ZNF395: variants seen among roughly 807,000 people sequenced by gnomAD.
The protein encoded by ZNF395 is HD gene regulatory region-binding protein 2.
ZNF395 carries 20 observed loss-of-function variants against 57.7 expected under a neutral mutation model. The ratio of observed to expected loss-of-function variants is 0.35; its 90% CI spans 0.24 to 0.50. The LOEUF is 0.50. Among genes scored for constraint, ZNF395 ranks in the 20% least tolerant of loss-of-function variants. The pLI, the probability that ZNF395 is intolerant of heterozygous loss-of-function variation, is 0.97. For synonymous variants in ZNF395, 295 were observed against 275.9 expected (o/e 1.07, Z -0.69); for missense variants, 606 against 671.2 (o/e 0.90, Z 1.07).
intron 1 of ZNF395, among the ~76,000 whole-genome samples, chr8:28,367,549 T>C (rs1415238322): frequency 6.6e-6 from 1 of 152,248 alleles, no homozygotes; most frequent in Non-Finnish European, 1.5e-5. Flanking sequence ...TTTGCGCTGC[T>C]GGCAGGAAAG....
At chr8:28,350,218 A>C (rs925949658) in intron 7 of ZNF395, 62 bp from the exon 8 acceptor site, 1 of 1,383,448 alleles carries the variant, frequency 7.2e-7, no homozygotes, top group East Asian at 2.4e-5. Context: ...GTCTGCCCAC[A>C]ATCCCCACAG....
chr8:28,365,151 A>G (rs144886333), intron 1 of ZNF395, among the ~76,000 whole-genome samples: 70 of 152,324 alleles, frequency 4.6e-4, no homozygotes, highest in African/African-American at 1.6e-3. Context: ...CGCCTGTGTT[A>G]ATCAGCACAC....
At chr8:28,351,355 CCTTTT>C (rs2129940284) in intron 7 of ZNF395, 135 bp downstream of exon 7, 1 of 887,520 alleles carries the variant, frequency 1.1e-6, no homozygotes, top group East Asian at 2.6e-5. Flanking sequence ...AATTCGGTTT[CCTTTT>C]GTTTCCTTGT....
chr8:28,356,895 C>G lies in ZNF395; in HGVS notation c.474-116G>C. The G allele has an allele frequency of 1.3e-6, 1 of 778,002 alleles. No individual in the cohort carries two copies. The highest frequency in any genetic ancestry group is 1.8e-5 in the South Asian group (1 of 57,142). 48.2% of individuals were successfully genotyped at this position (778,002 alleles called of 1,614,324 possible). ...CACACAATCATCTTACACTTCTGGA[C>G]TGTCCCCTCCAAGTGCCCCCAACTC... is the stretch of plus-strand genomic sequence containing the variant. On this transcript the variant is annotated intron_variant, in intron 3 of 9. Coordinates refer to ENST00000344423, the MANE Select transcript of ZNF395 (RefSeq NM_018660.3). This position sits in a 1 kb window ranked among gnomAD's most constrained non-coding sequence, Gnocchi z 4.0.
intron 1 of ZNF395, among the ~76,000 whole-genome samples, chr8:28,371,039 A>C (rs1801969953): frequency 6.6e-6 from 1 of 152,110 alleles, no homozygotes; most frequent in Non-Finnish European, 1.5e-5. Flanking sequence ...CCCACAAATA[A>C]CCCATGAGAT....
chr8:28,372,289 A>G (rs1013496606), intron 1 of ZNF395, among the ~76,000 whole-genome samples: 1 of 152,212 alleles, frequency 6.6e-6, no homozygotes, highest in African/African-American at 2.4e-5. Flanking sequence ...GAGAGAGGAA[A>G]CAGTGAGAAA....
At position 28,380,016 on chromosome 8, in the gene ZNF395, TG is replaced by T. The variant is rs1802090381; in HGVS notation, c.-59+6376del. ...AACTTTTGGCAAAAACATTTTTCCC[TG>T]TTATTTTAAAGCTATTCCTAAACAT... On this transcript the variant is annotated intron_variant, in intron 1 of 9. Transcript: ENST00000344423. Among the ~76,000 whole-genome samples the T allele has an allele frequency of 2.0e-5, 3 of 152,344 alleles. No homozygotes were observed. In the South Asian group the frequency reaches 6.2e-4, roughly 32 times the overall value.
Position 28,351,728 on chromosome 8 carries a change from C to G in ZNF395, c.1000G>C (p.Ala334Pro), listed in dbSNP as rs755926571. 9.0e-5 allele frequency: 145 copies of G among 1,606,842 alleles called. No homozygotes were observed. The highest frequency in any genetic ancestry group is 1.2e-4 in the Non-Finnish European group (143 of 1,179,670). The change falls in exon 7 of 10, where the codon GCT becomes CCT. Residue 334 changes from alanine to proline, a missense_variant. Physicochemically the swap from Ala to Pro is conservative, Grantham distance 27 (BLOSUM62 -1). Transcript: ENST00000344423. ...CCTGCGGCAGCAGCAGCAGCAGCAG[C>G]AGCAGATTCCTCCTTCAGCTGCACC... ...TEVQLKEESA[A>P]AAAAAAAGTP...
Position 28,353,164 on chromosome 8 carries a change from A to G in ZNF395, c.819+9T>C. On this transcript the variant is annotated intron_variant, in intron 5 of 9. Coordinates refer to ENST00000344423, the MANE Select transcript of ZNF395 (RefSeq NM_018660.3). ...AGCCTGGGCTCCCACTCACACCACAATCACGTACCTTTCTTTTTCGTGGAG... is the reference window on the plus strand; with the variant it reads ...AGCCTGGGCTCCCACTCACACCACAGTCACGTACCTTTCTTTTTCGTGGAG... 1 of 1,613,378 alleles carries G rather than the reference A, an allele frequency of 6.2e-7. No individual in the cohort carries two copies. The highest frequency in any genetic ancestry group is 8.5e-7 in the Non-Finnish European group (1 of 1,179,856).
intron 8 of ZNF395, 53 bp from the exon 9 acceptor site, chr8:28,349,281 G>C (rs1801648866): frequency 7.0e-7 from 1 of 1,430,154 alleles, no homozygotes; most frequent in African/African-American, 1.4e-5. Context: ...AAAGGTGAGG[G>C]AGCTATCCTA....
rs188015648 is a variant in ZNF395, at chr8:28,354,733, T to C, written c.584-1325A>G. ...GAGATTACTACATGTACATGTGTGC[T>C]TAAAAAAGGGTACACCTTCAGGGCA... On this transcript the variant is annotated intron_variant, in intron 4 of 9. Coordinates refer to ENST00000344423, the MANE Select transcript of ZNF395 (RefSeq NM_018660.3). Among the ~76,000 whole-genome samples, 9 of 152,176 alleles carry C rather than the reference T, an allele frequency of 5.9e-5. No homozygotes were observed. The East Asian group carries it at 1.5e-3, about 26-fold the overall frequency.
At chr8:28,364,653 C>CAAAA (rs1221074238) in intron 1 of ZNF395, among the ~76,000 whole-genome samples, 6 of 44,036 alleles carry the variant, frequency 1.4e-4, no homozygotes, top group African/African-American at 1.6e-4. Flanking sequence ...GACTCCGTCT[C>CAAAA]AAAAAAAAAA....
At chr8:28,373,978 C>T (rs1802007942) in intron 1 of ZNF395, among the ~76,000 whole-genome samples, 1 of 152,136 alleles carries the variant, frequency 6.6e-6, no homozygotes. Flanking sequence ...TTTCTCAGTA[C>T]CTACCCCAGA....
At chr8:28,368,059 C>G (rs945995959) in intron 1 of ZNF395, among the ~76,000 whole-genome samples, 8 of 152,088 alleles carry the variant, frequency 5.3e-5, no homozygotes, top group African/African-American at 1.9e-4. Flanking sequence ...TGTGGTGGGG[C>G]AGGGGCAGCG....
At chr8:28,351,330 A>G in intron 7 of ZNF395, 165 bp downstream of exon 7, 1 of 693,012 alleles carries the variant, frequency 1.4e-6, no homozygotes, top group South Asian at 2.6e-5. Flanking sequence ...GAATTCCCAC[A>G]TTTATTGAGC....
intron 9 of ZNF395, 30 bp downstream of exon 9, chr8:28,349,094 AG>A (rs768262713): frequency 2.6e-5 from 40 of 1,553,942 alleles, no homozygotes; most frequent in Non-Finnish European, 3.1e-5. Flanking sequence ...CACAGAAACC[AG>A]AAGGCAGGGG....
rs1446453864 is a variant in ZNF395, at chr8:28,350,153, G to A, written c.1237C>T (p.Leu413=). The A allele has an allele frequency of 6.2e-7, 1 of 1,604,080 alleles. No homozygotes were observed. The highest frequency in any genetic ancestry group is 8.5e-7 in the Non-Finnish European group (1 of 1,176,990). Residue 413 remains leucine (L), a synonymous_variant, in exon 8 of 10, where the codon CTG becomes TTG. Coordinates refer to ENST00000344423, the MANE Select transcript of ZNF395 (RefSeq NM_018660.3). Reference sequence around the variant, plus strand: ...GAGACTGGGATCTGGAAGGATGGCAGAGCCTGCGGAAGACGAGGGTGTCAG... The same window carrying A: ...GAGACTGGGATCTGGAAGGATGGCAAAGCCTGCGGAAGACGAGGGTGTCAG... ...HIQADHAYQA[L]PSFQIPVSPH...
At chr8:28,384,051 A>G (rs184481974) in intron 1 of ZNF395, among the ~76,000 whole-genome samples, 2 of 152,210 alleles carry the variant, frequency 1.3e-5, no homozygotes, top group Admixed American at 6.5e-5. Context: ...ATGTTTCTCA[A>G]ACCCACCTTT....
At chr8:28,384,688 C>G (rs548798897) in intron 1 of ZNF395, among the ~76,000 whole-genome samples, 1 of 152,322 alleles carries the variant, frequency 6.6e-6, no homozygotes, top group African/African-American at 2.4e-5. Flanking sequence ...TTGGGCCCTA[C>G]GGGTGAGTTA....
Sources: gnomAD v4.1 joint callset for allele counts (sites outside exome capture counted in the v4.1 genomes callset) on GRCh38, gnomAD v4.1.1 for gene constraint, Gnocchi (gnomAD v3.1) non-coding constraint, MANE v1.5 for transcripts, NCBI Gene and HGNC (gene_info 2026-07-23, HGNC 2026-07-21) for gene names.